Variants in PPP2R3A observed in about 807,000 individuals in gnomAD.
PPP2R3A encodes the protein serine/threonine-protein phosphatase 2A regulatory subunit B'' subunit alpha.
A neutral mutation model predicts 106.9 loss-of-function variants in PPP2R3A; 80 were observed. That is an observed-to-expected ratio of 0.75 (90% CI 0.62 to 0.90). PPP2R3A has a LOEUF of 0.90. Ranked by LOEUF, PPP2R3A falls within the 40% of genes least tolerant of loss-of-function variation. The pLI is 0.00. For missense variants in PPP2R3A, 1,386 were observed against 1,350.4 expected, an observed-to-expected ratio of 1.03 and a Z score of -0.41; for synonymous variants, 483 against 468.3, an observed-to-expected ratio of 1.03 and a Z score of -0.41.
intron 1 of PPP2R3A, among the ~76,000 whole-genome samples, chr3:135,996,207 A>G (rs1370966490): frequency 6.6e-6 from 1 of 152,224 alleles, no homozygotes; most frequent in Non-Finnish European, 1.5e-5. Context: ...GTAGCTCAAT[A>G]ATTAATGTGA....
intron 3 of PPP2R3A, among the ~76,000 whole-genome samples, chr3:136,037,585 C>G (rs970771120): frequency 6.6e-6 from 1 of 152,174 alleles, no homozygotes; most frequent in Non-Finnish European, 1.5e-5. Context: ...AAGGTAGCCT[C>G]TCTGTACCTG....
intron 10 of PPP2R3A, among the ~76,000 whole-genome samples, chr3:136,099,232 A>G (rs1227173961): frequency 1.3e-5 from 2 of 152,208 alleles, no homozygotes; most frequent in Admixed American, 6.5e-5. Flanking sequence ...CCCAGAGTCA[A>G]CAAACCCACA....
At chr3:136,030,319 G>GT (rs71624082) in intron 3 of PPP2R3A, among the ~76,000 whole-genome samples, 93 of 151,138 alleles carry the variant, frequency 6.2e-4, no homozygotes, top group Non-Finnish European at 2.1e-4. Flanking sequence ...GTGTCAGTTT[G>GT]TTTTTTTTGC....
At chr3:136,082,447 C>G (rs1461429410) in intron 8 of PPP2R3A, 26 bp downstream of exon 8, 13 of 1,601,676 alleles carry the variant, frequency 8.1e-6, no homozygotes, top group Non-Finnish European at 1.1e-5. Context: ...GATGCTAAGA[C>G]TTAACCATTT....
intron 2 of PPP2R3A, among the ~76,000 whole-genome samples, chr3:136,024,485 A>G (rs534723078): frequency 6.6e-6 from 1 of 152,270 alleles, no homozygotes; most frequent in South Asian, 2.1e-4. Context: ...GCTCTGTGTT[A>G]AGTACACTAA....
chr3:135,966,190 C>G (rs1189668123), intron 1 of PPP2R3A, among the ~76,000 whole-genome samples: 5 of 152,244 alleles, frequency 3.3e-5, no homozygotes, highest in Non-Finnish European at 2.9e-5. Context: ...GGCTCCTGGG[C>G]CAGTTCGCCC....
rs146023323 is a variant in PPP2R3A, at chr3:136,098,699, A to G, written c.2928-3308A>G. The stretch of plus-strand genomic sequence containing the variant: ...CAAAGTATTGGAAACTGGAAAGCAA[A>G]TAAACATAGCAGACTGCCTGAATCC... On this transcript the variant is annotated intron_variant, in intron 10 of 13. Coordinates refer to ENST00000264977, the MANE Select transcript of PPP2R3A (RefSeq NM_002718.5). Among the ~76,000 whole-genome samples, 583 of 152,328 alleles carry G rather than the reference A, an allele frequency of 3.8e-3. 8 individuals carry two copies. In the East Asian group the frequency reaches 0.047, roughly 12 times the overall value.
intron 3 of PPP2R3A, among the ~76,000 whole-genome samples, chr3:136,033,605 A>G (rs752003833): frequency 3.3e-5 from 5 of 152,182 alleles, no homozygotes; most frequent in Non-Finnish European, 7.3e-5. Context: ...TTCCTGATTT[A>G]AGCTAGAAGG....
intron 2 of PPP2R3A, among the ~76,000 whole-genome samples, chr3:136,016,464 G>A (rs1331412016): frequency 6.6e-6 from 1 of 152,072 alleles, no homozygotes; most frequent in Non-Finnish European, 1.5e-5. Context: ...CCTTTCTTAG[G>A]TCTAGTAGTA....
intron 5 of PPP2R3A, among the ~76,000 whole-genome samples, chr3:136,049,749 A>G (rs902383473): frequency 6.6e-6 from 1 of 152,196 alleles, no homozygotes; most frequent in African/African-American, 2.4e-5. Context: ...CCTGGTAGAA[A>G]GAAAGAAAAG....
At chr3:136,027,636 G>C (rs563790707) in intron 3 of PPP2R3A, among the ~76,000 whole-genome samples, 1 of 152,208 alleles carries the variant, frequency 6.6e-6, no homozygotes, top group African/African-American at 2.4e-5. Flanking sequence ...TGTGCCTCCA[G>C]CCTCCTCCCA....
intron 9 of PPP2R3A, among the ~76,000 whole-genome samples, chr3:136,089,673 A>T (rs1001880363): frequency 2.0e-5 from 3 of 151,508 alleles, no homozygotes; most frequent in African/African-American, 7.3e-5. Context: ...AATAACATTG[A>T]ATCTGTAGAT....
At chr3:135,975,343 T>C (rs1937388153) in intron 1 of PPP2R3A, among the ~76,000 whole-genome samples, 1 of 152,210 alleles carries the variant, frequency 6.6e-6, no homozygotes, top group Non-Finnish European at 1.5e-5. Flanking sequence ...TCAGGGGCAG[T>C]GTTTCTCAGC....
At chr3:136,070,247 C>T (rs889770019) in intron 5 of PPP2R3A, among the ~76,000 whole-genome samples, 18 of 152,270 alleles carry the variant, frequency 1.2e-4, no homozygotes, top group South Asian at 4.1e-4. Flanking sequence ...AATTACCTAA[C>T]GTAGCTAAAA....
chr3:136,015,390 T>G (rs897637920), intron 2 of PPP2R3A, among the ~76,000 whole-genome samples: 3 of 152,214 alleles, frequency 2.0e-5, no homozygotes, highest in Non-Finnish European at 4.4e-5. Flanking sequence ...TCAATAGGAT[T>G]GGTACCAATT....
intron 12 of PPP2R3A, 134 bp from the exon 13 acceptor site, chr3:136,106,082 C>G: frequency 2.8e-6 from 2 of 711,846 alleles, no homozygotes; most frequent in Non-Finnish European, 4.5e-6. Flanking sequence ...ACCTTAGCAC[C>G]TCTTTTAAAC....
chr3:136,112,766 A>G (rs907214858), intron 13 of PPP2R3A, among the ~76,000 whole-genome samples: 1 of 152,206 alleles, frequency 6.6e-6, no homozygotes, highest in African/African-American at 2.4e-5. Context: ...ACCCAAAGCA[A>G]TCTACAGATT....
chr3:136,091,096 A>G (rs1010375958), intron 10 of PPP2R3A, among the ~76,000 whole-genome samples: 5 of 152,162 alleles, frequency 3.3e-5, no homozygotes, highest in Admixed American at 2.0e-4. Flanking sequence ...TTTCCTTGGC[A>G]CTCCCAGACA....
At chr3:136,022,977 A>G (rs1934516571) in intron 2 of PPP2R3A, 3 of 1,565,828 alleles carry the variant, frequency 1.9e-6, no homozygotes, top group Admixed American at 4.3e-5. Flanking sequence ...AAGAAAAAAT[A>G]CCTTCCTACC....
Sources: gnomAD v4.1 joint callset for allele counts (sites outside exome capture counted in the v4.1 genomes callset) on GRCh38, gnomAD v4.1.1 for gene constraint, MANE v1.5 for transcripts, NCBI Gene and HGNC (gene_info 2026-07-23, HGNC 2026-07-21) for gene names.